The following ADAM10 variants were observed in gnomAD, a reference collection of about 807,000 sequenced individuals.
The protein encoded by ADAM10 is disintegrin and metalloproteinase domain-containing protein 10.
Under a neutral mutation model 90.1 loss-of-function variants are expected in ADAM10, and 17 were observed. The ratio of observed to expected loss-of-function variants is 0.19; its 90% CI spans 0.13 to 0.28. The LOEUF (loss-of-function observed/expected upper bound fraction) is 0.28, where lower values mean the gene tolerates loss of function less well. Ranked by LOEUF, ADAM10 falls within the 10% of genes least tolerant of loss-of-function variation. ADAM10 has a pLI of 1.00. For missense variants in ADAM10, 610 were observed against 914.3 expected, an observed-to-expected ratio of 0.67 and a Z score of 4.29; for synonymous variants, 310 against 298.6, an observed-to-expected ratio of 1.04 and a Z score of -0.40.
intron 2 of ADAM10, among the ~76,000 whole-genome samples, chr15:58,687,268 A>G (rs1458433236): frequency 6.6e-6 from 1 of 152,248 alleles, no homozygotes; most frequent in Non-Finnish European, 1.5e-5. Flanking sequence ...AGGCTGCCCC[A>G]TCGTGTATAT....
At chr15:58,604,333 C>T (rs1895204713) in intron 14 of ADAM10, among the ~76,000 whole-genome samples, 1 of 152,144 alleles carries the variant, frequency 6.6e-6, no homozygotes, top group Non-Finnish European at 1.5e-5. Flanking sequence ...TGCACTCCAG[C>T]CTAGGTGGCT....
intron 5 of ADAM10, chr15:58,655,350 A>T (rs542209879): frequency 6.5e-6 from 1 of 154,310 alleles, no homozygotes; most frequent in East Asian, 1.9e-4. Context: ...GAAGCTTATA[A>T]GCATGGGCAG....
In ADAM10 at chr15:58,611,574, G is replaced by A. The variant is rs148692832; in HGVS notation, c.1695+234C>T. The stretch of plus-strand genomic sequence containing the variant: ...AAATATTATAGACAAATCACATGCC[G>A]AGTTGTACAACTATGTTTCTCTAGA... On this transcript the variant is annotated intron_variant, in intron 12 of 15. Coordinates refer to ENST00000260408, the MANE Select transcript of ADAM10 (RefSeq NM_001110.4). 8.7e-4 allele frequency: 426 copies of A among 489,558 alleles called. 1 individual carries two copies. The East Asian group carries it at 0.013, about 15-fold the overall frequency. The allele number at this position is 489,558 out of a possible 1,614,324, so 30.3% of individuals were successfully genotyped here.
chr15:58,731,068 T>A (rs1002266453), intron 1 of ADAM10, among the ~76,000 whole-genome samples: 1 of 152,184 alleles, frequency 6.6e-6, no homozygotes, highest in East Asian at 1.9e-4. Flanking sequence ...CATGTATCTA[T>A]CTGTACATAT....
At chr15:58,648,766 G>GCT (rs1896615704) in intron 5 of ADAM10, among the ~76,000 whole-genome samples, 2 of 151,680 alleles carry the variant, frequency 1.3e-5, no homozygotes, top group Non-Finnish European at 2.9e-5. Flanking sequence ...ATAATATTAC[G>GCT]GACATACAAA....
At position 58,646,081 on chromosome 15, in the gene ADAM10, C is replaced by T. The variant is rs778435531; in HGVS notation, c.709G>A (p.Gly237Arg). The T allele has an allele frequency of 6.8e-6, 11 of 1,613,260 alleles. No homozygotes were observed. The highest frequency in any genetic ancestry group is 2.2e-5 in the South Asian group (2 of 91,064). ...QTDHLFFKYY[G>R]TREAVIAQIS... ...TGGGCAATCACAGCTTCTCGTGTTC[C>T]GTAATATTTAAAGAACAAATGATCA... is the stretch of plus-strand genomic sequence containing the variant. The change falls in exon 6 of 16, where the codon GGA becomes AGA. Residue 237 changes from glycine (G) to arginine (R), a missense_variant. By Grantham distance (125) the Gly-to-Arg change is moderately radical (BLOSUM62 -2). Coordinates refer to ENST00000260408, the MANE Select transcript of ADAM10 (RefSeq NM_001110.4).
At chr15:58,609,527 C>G (rs1188382441) in intron 14 of ADAM10, 1 of 150,842 alleles carries the variant, frequency 6.6e-6, no homozygotes, top group South Asian at 2.1e-4. Flanking sequence ...TACATACATA[C>G]ACACACACAC....
intron 1 of ADAM10, among the ~76,000 whole-genome samples, chr15:58,730,010 A>T (rs1471920057): frequency 6.6e-6 from 1 of 151,954 alleles, no homozygotes; most frequent in East Asian, 1.9e-4. Context: ...AAACAAAAAA[A>T]AAAACTCATT....
chr15:58,591,877 C>T lies in ADAM10; in HGVS notation c.*5670G>A, dbSNP rs1894830855. The T allele has an allele frequency of 6.6e-6, 1 of 152,148 alleles. No individual in the cohort carries two copies. The highest frequency in any genetic ancestry group is 1.5e-5 in the Non-Finnish European group (1 of 68,026). The allele number at this position is 152,148 out of a possible 1,614,324, so 9.4% of individuals were successfully genotyped here. A position where few individuals can be genotyped will look rare whatever the true frequency, so the allele number is the denominator to read the frequency against. On this transcript the variant is annotated 3_prime_UTR_variant, in exon 16 of 16. Transcript: ENST00000260408. Reference sequence around the variant, plus strand: ...TCAAATATCCACTTTTCACATTTTTCCAATGGTCTCAACAGTTTGTTCAAA... The same window carrying T: ...TCAAATATCCACTTTTCACATTTTTTCAATGGTCTCAACAGTTTGTTCAAA...
chr15:58,671,354 C>T (rs1000189017), intron 4 of ADAM10, among the ~76,000 whole-genome samples: 1 of 152,146 alleles, frequency 6.6e-6, no homozygotes, highest in African/African-American at 2.4e-5. Context: ...CTTTAATAAA[C>T]CAGATCTCAC....
intron 1 of ADAM10, among the ~76,000 whole-genome samples, chr15:58,740,422 A>G (rs920273893): frequency 2.0e-5 from 3 of 152,000 alleles, no homozygotes; most frequent in African/African-American, 7.3e-5. Flanking sequence ...GGAAGAAAAA[A>G]AAAAAAGAAC....
chr15:58,631,578 A>G (rs1213783102), intron 9 of ADAM10, among the ~76,000 whole-genome samples: 1 of 152,080 alleles, frequency 6.6e-6, no homozygotes, highest in Non-Finnish European at 1.5e-5. Flanking sequence ...CCCATCAAAG[A>G]CCTACTAAAA....
At chr15:58,710,654 ATAT>A (rs1236111143) in intron 2 of ADAM10, among the ~76,000 whole-genome samples, 3 of 152,308 alleles carry the variant, frequency 2.0e-5, no homozygotes, top group African/African-American at 4.8e-5. Flanking sequence ...TACTAAATAA[ATAT>A]TATTTTCCTT....
intron 10 of ADAM10, among the ~76,000 whole-genome samples, chr15:58,624,252 C>T (rs1300593598): frequency 1.3e-5 from 2 of 151,802 alleles, no homozygotes; most frequent in Non-Finnish European, 2.9e-5. Flanking sequence ...TGCCACTGCA[C>T]TCCAGCCTGG....
At chr15:58,662,381 G>A (rs1281833718) in intron 5 of ADAM10, among the ~76,000 whole-genome samples, 1 of 152,090 alleles carries the variant, frequency 6.6e-6, no homozygotes, top group East Asian at 1.9e-4. Flanking sequence ...TGCCCGGGCT[G>A]GGGTGCCATG....
At chr15:58,738,595 C>T (rs1029451847) in intron 1 of ADAM10, among the ~76,000 whole-genome samples, 1 of 152,146 alleles carries the variant, frequency 6.6e-6, no homozygotes, top group Non-Finnish European at 1.5e-5. Flanking sequence ...TTGAAATCAG[C>T]TAGTCTCTAA....
At chr15:58,677,307 A>G (rs1347593251) in intron 4 of ADAM10, among the ~76,000 whole-genome samples, 2 of 152,202 alleles carry the variant, frequency 1.3e-5, no homozygotes, top group African/African-American at 4.8e-5. Context: ...CCACAAACAT[A>G]TATTTACTTA....
At chr15:58,719,492 A>T (rs973595695) in intron 1 of ADAM10, among the ~76,000 whole-genome samples, 1 of 83,826 alleles carries the variant, frequency 1.2e-5, no homozygotes, top group Non-Finnish European at 3.2e-5. Flanking sequence ...CTTTTATAAA[A>T]CAAGTTGTCT....
chr15:58,727,192 TTTTTTTTTTTTTTCC>T (rs1202306724), intron 1 of ADAM10, among the ~76,000 whole-genome samples: 13 of 124,746 alleles, frequency 1.0e-4, no homozygotes, highest in African/African-American at 3.6e-4. Flanking sequence ...TTTTTTTTTT[TTTTTTTTTTTTTTCC>T]CAAAAACAGC....
Sources: allele counts gnomAD v4.1 joint callset (sites outside exome capture counted in the v4.1 genomes callset), GRCh38; gene constraint gnomAD v4.1.1; transcripts MANE v1.5; gene names NCBI Gene and HGNC (gene_info 2026-07-23, HGNC 2026-07-21).